The following NCOA2 variants were observed in gnomAD, a reference collection of about 807,000 sequenced individuals.
NCOA2 encodes the protein class E basic helix-loop-helix protein 75.
In NCOA2, 21 loss-of-function variants were observed where a neutral mutation model predicts 145.1. The ratio of observed to expected loss-of-function variants is 0.14; its 90% CI spans 0.10 to 0.21. The LOEUF (loss-of-function observed/expected upper bound fraction) is 0.21. NCOA2 is among the 10% of genes least tolerant of loss of function. The probability of loss-of-function intolerance (pLI) is 1.00; values close to 1 mark genes in which losing one functional copy is unlikely to be tolerated. For missense variants in NCOA2, 1,472 were observed against 1,837.6 expected (o/e 0.80, Z 3.64); for synonymous variants, 619 against 637.5 (o/e 0.97, Z 0.44).
At chr8:70,443,875 G>T in the NCOA2 span, among the ~76,000 whole-genome samples, 1 of 151,878 alleles carries the variant, frequency 6.6e-6, no homozygotes, top group Non-Finnish European at 1.5e-5. Context: ...TATTTTTATT[G>T]CTAAAAGAAT....
chr8:70,353,743 G>A (rs7841047), intron 1 of NCOA2, among the ~76,000 whole-genome samples: 37,668 of 151,412 alleles, frequency 0.25, 5,936 homozygotes, highest in East Asian at 0.57. Flanking sequence ...CCATATCTAA[G>A]TTCTAAGGTA....
chr8:70,159,242 A>ATATATATATATATATATATATATTTTT, intron 10 of NCOA2, among the ~76,000 whole-genome samples: 1 of 61,076 alleles, frequency 1.6e-5, no homozygotes, highest in African/African-American at 5.4e-5. Context: ...ATATATATAT[A>ATATATATATATATATATATATATTTTT]TTTTTTTTTT....
intron 1 of NCOA2, among the ~76,000 whole-genome samples, chr8:70,352,848 A>G (rs575905493): frequency 2.0e-5 from 3 of 152,212 alleles, no homozygotes; most frequent in Non-Finnish European, 4.4e-5. Context: ...TGTCCTAAAT[A>G]AAACAGGTTG....
chr8:70,170,147 G>T, intron 6 of NCOA2, 55 bp downstream of exon 6: 1 of 1,518,798 alleles, frequency 6.6e-7, no homozygotes, highest in Non-Finnish European at 9.1e-7. Context: ...GTGTGTATGA[G>T]GCAGGGCAGG....
At chr8:70,167,671 G>A (rs180838208) in intron 6 of NCOA2, among the ~76,000 whole-genome samples, 1 of 152,208 alleles carries the variant, frequency 6.6e-6, no homozygotes, top group East Asian at 1.9e-4. Context: ...CAGTGCAAAT[G>A]TCATTTCTTT....
rs377738808 is a variant in NCOA2, at chr8:70,166,600, G to C, written c.696C>G (p.Val232=). The C allele has an allele frequency of 5.3e-4, 857 of 1,613,912 alleles. No individual in the cohort carries two copies. Among genetic ancestry groups the C allele is most frequent in the Non-Finnish European group, 6.5e-4 (765 of 1,179,890 alleles). The change falls in exon 7 of 23, where the codon GTC becomes GTG. Residue 232 remains valine, a synonymous_variant. Transcript: ENST00000452400. The part of the protein sequence containing the change: ...QKYETMQCFA[V]SQPKSIKEEG... Reference sequence around the variant, plus strand: ...CTTCTTTGATGGACTTTGGTTGAGAGACAGCGAAGCACTGCATAGTTTCAT... The same window carrying C: ...CTTCTTTGATGGACTTTGGTTGAGACACAGCGAAGCACTGCATAGTTTCAT...
chr8:70,311,029 AGTAT>A (rs1277744475), intron 1 of NCOA2, among the ~76,000 whole-genome samples: 18 of 152,276 alleles, frequency 1.2e-4, no homozygotes, highest in African/African-American at 4.3e-4. Context: ...AAAAGACCGT[AGTAT>A]GTCTTAAAAT....
chr8:70,382,723 T>C (rs563580505), intron 1 of NCOA2, among the ~76,000 whole-genome samples: 5 of 152,338 alleles, frequency 3.3e-5, no homozygotes, highest in South Asian at 2.1e-4. Flanking sequence ...TGGGTACCAA[T>C]TGGTAAAATT....
chr8:70,183,144 A>G (rs1428038067), intron 4 of NCOA2, among the ~76,000 whole-genome samples: 1 of 152,218 alleles, frequency 6.6e-6, no homozygotes, highest in Non-Finnish European at 1.5e-5. Flanking sequence ...AAGTTACCTG[A>G]ACAAGGAAAT....
At chr8:70,363,785 C>T (rs1056537452) in intron 1 of NCOA2, among the ~76,000 whole-genome samples, 5 of 152,138 alleles carry the variant, frequency 3.3e-5, no homozygotes, top group African/African-American at 1.2e-4. Context: ...TTTCTGACTA[C>T]ATACACTTGT....
chr8:70,185,532 G>A (rs1362927046), intron 4 of NCOA2, among the ~76,000 whole-genome samples: 1 of 152,156 alleles, frequency 6.6e-6, no homozygotes, highest in Non-Finnish European at 1.5e-5. Flanking sequence ...AAGACCATGA[G>A]AACAAAGGAA....
intron 12 of NCOA2, among the ~76,000 whole-genome samples, chr8:70,145,288 G>A (rs191505233): frequency 1.6e-4 from 25 of 152,148 alleles, no homozygotes; most frequent in Non-Finnish European, 3.4e-4. Context: ...CTCCCAAGTA[G>A]CTGGGATTAT....
At chr8:70,124,578 C>T in intron 20 of NCOA2, 110 bp downstream of exon 20, 1 of 1,125,082 alleles carries the variant, frequency 8.9e-7, no homozygotes, top group Non-Finnish European at 1.2e-6. Context: ...TCCTTTATCA[C>T]TACGTTTGAT....
At chr8:70,449,665 T>G in the NCOA2 span, among the ~76,000 whole-genome samples, 8 of 152,194 alleles carry the variant, frequency 5.3e-5, no homozygotes, top group Non-Finnish European at 1.2e-4. Context: ...AGCCAGCATC[T>G]GCAGAGACCT....
intron 2 of NCOA2, among the ~76,000 whole-genome samples, chr8:70,267,234 T>C (rs1824676100): frequency 6.6e-6 from 1 of 152,188 alleles, no homozygotes; most frequent in African/African-American, 2.4e-5. Context: ...TTCATGACTA[T>C]GAGGCATAAG....
At chr8:70,450,399 C>A in the NCOA2 span, among the ~76,000 whole-genome samples, 6 of 152,138 alleles carry the variant, frequency 3.9e-5, no homozygotes, top group Non-Finnish European at 8.8e-5. Context: ...AAGGTACCAT[C>A]TCTGAATCAG....
Position 70,207,288 on chromosome 8 carries a change from A to T in NCOA2, c.259+6615T>A, listed in dbSNP as rs1586096934. Among the ~76,000 whole-genome samples the T allele has an allele frequency of 2.0e-5, 3 of 152,356 alleles. No homozygotes were observed. In the East Asian group the frequency reaches 5.8e-4, roughly 29 times the overall value. ...TGTCTACTTTCTATCAGAGTGTGATAGCCGGCTTGGGTCTTGAAGTGAGAG... is the reference window on the plus strand; with the variant it reads ...TGTCTACTTTCTATCAGAGTGTGATTGCCGGCTTGGGTCTTGAAGTGAGAG... On this transcript the variant is annotated intron_variant, in intron 4 of 22. Transcript: ENST00000452400.
intron 2 of NCOA2, among the ~76,000 whole-genome samples, chr8:70,285,099 A>G (rs543791401): frequency 2.2e-4 from 33 of 152,336 alleles, no homozygotes; most frequent in Non-Finnish European, 3.8e-4. Context: ...ACATGGTCTT[A>G]TAATATCCTT....
intron 1 of NCOA2, among the ~76,000 whole-genome samples, chr8:70,339,904 T>C (rs1270687361): frequency 1.3e-5 from 2 of 152,192 alleles, no homozygotes; most frequent in Non-Finnish European, 2.9e-5. Flanking sequence ...AAACTGAAAG[T>C]GGACCCCTTC....
Sources: gnomAD v4.1 joint callset for allele counts (sites outside exome capture counted in the v4.1 genomes callset) on GRCh38, gnomAD v4.1.1 for gene constraint, MANE v1.5 for transcripts, NCBI Gene and HGNC (gene_info 2026-07-23, HGNC 2026-07-21) for gene names.